Variants in PCDH9 observed in about 807,000 individuals in gnomAD.
PCDH9 encodes the protein protocadherin-9.
PCDH9 carries 24 observed loss-of-function variants against 70.6 expected under a neutral mutation model. The ratio of observed to expected loss-of-function variants is 0.34; its 90% CI spans 0.25 to 0.48. The LOEUF (loss-of-function observed/expected upper bound fraction) is 0.48. PCDH9 is among the 20% of genes least tolerant of loss of function. The pLI, the probability that PCDH9 is intolerant of heterozygous loss-of-function variation, is 0.99. For missense variants in PCDH9, 1,281 were observed against 1,503.6 expected (o/e 0.85, Z 2.45); for synonymous variants, 562 against 558.5 (o/e 1.01, Z -0.09).
chr13:67,002,687 G>T (rs2084268946), intron 2 of PCDH9, among the ~76,000 whole-genome samples: 4 of 151,900 alleles, frequency 2.6e-5, no homozygotes. Context: ...CCGAAATAAA[G>T]TTATTCTTCC....
intron 3 of PCDH9, among the ~76,000 whole-genome samples, chr13:66,702,469 T>C (rs1405261240): frequency 6.6e-6 from 1 of 152,192 alleles, no homozygotes; most frequent in Non-Finnish European, 1.5e-5. Context: ...TTATGTGGGA[T>C]AAATAACTTC....
chr13:66,352,412 G>A (rs935556298), intron 4 of PCDH9, among the ~76,000 whole-genome samples: 1 of 152,002 alleles, frequency 6.6e-6, no homozygotes, highest in East Asian at 1.9e-4. Context: ...TTAAACAACA[G>A]AAATATTGCA....
intron 4 of PCDH9, among the ~76,000 whole-genome samples, chr13:66,576,254 G>T (rs2076813608): frequency 6.6e-6 from 1 of 151,884 alleles, no homozygotes; most frequent in Non-Finnish European, 1.5e-5. Context: ...TTCCAAAAAT[G>T]TTAATTATAA....
intron 3 of PCDH9, among the ~76,000 whole-genome samples, chr13:66,867,023 T>C (rs1453430259): frequency 6.6e-6 from 1 of 151,898 alleles, no homozygotes; most frequent in African/African-American, 2.4e-5. Flanking sequence ...TTTCTTTTTT[T>C]TTTTTTTTGG....
In PCDH9 at chr13:66,626,951, C is replaced by CTGTGTGTGTGTGTGTGTGTG. The variant is rs10559380; in HGVS notation, c.3340+4239_3340+4258dup. 1.7e-3 allele frequency among the ~76,000 whole-genome samples: 256 copies of CTGTGTGTGTGTGTGTGTGTG among 147,486 alleles called. 1 individual carries two copies. The highest frequency in any genetic ancestry group is 2.6e-3 in the Non-Finnish European group (172 of 66,686). On this transcript the variant is annotated intron_variant, in intron 4 of 4. Transcript: ENST00000377865. ...GCCAGTATTATTAGATCAAATGCCA[C>CTGTGTGTGTGTGTGTGTGTG]TGTGTGTGTGTGTGTGTGTGTGTGT...
At chr13:66,434,966 G>C (rs1299399564) in intron 4 of PCDH9, among the ~76,000 whole-genome samples, 1 of 152,044 alleles carries the variant, frequency 6.6e-6, no homozygotes, top group Non-Finnish European at 1.5e-5. Flanking sequence ...TTAAAAATTA[G>C]TACAAGCTGC....
At chr13:66,957,314 C>T (rs1436423700) in intron 2 of PCDH9, among the ~76,000 whole-genome samples, 1 of 152,074 alleles carries the variant, frequency 6.6e-6, no homozygotes, top group African/African-American at 2.4e-5. Context: ...TTACTTTTGT[C>T]CAGCTTACAA....
chr13:67,175,628 G>A lies in PCDH9; in HGVS notation c.3036+49777C>T, dbSNP rs1354186002. 2.0e-5 allele frequency among the ~76,000 whole-genome samples: 3 copies of A among 152,252 alleles called. No individual in the cohort carries two copies. In the East Asian group the frequency reaches 5.8e-4, roughly 29 times the overall value. ...GTCCTTCCCATTCAGGATTTGGGGA[G>A]TATCTTAGATGAATGAAAAAGGCTT... On this transcript the variant is annotated intron_variant, in intron 2 of 4. Transcript: ENST00000377865.
rs980122096 is a variant in PCDH9 at position 67,199,345 on chromosome 13, C to G, written c.3036+26060G>C. The stretch of plus-strand genomic sequence containing the variant: ...AAAAATATGCTGTTTAAAGGTTAGT[C>G]ATAATTTTTTTCCTTCCCCTGCACT... On this transcript the variant is annotated intron_variant, in intron 2 of 4. Coordinates refer to ENST00000377865, the MANE Select transcript of PCDH9 (RefSeq NM_203487.3). Among the ~76,000 whole-genome samples, 3 of 151,538 alleles carry G rather than the reference C, an allele frequency of 2.0e-5. No individual in the cohort carries two copies. In the East Asian group the frequency reaches 5.8e-4, roughly 29 times the overall value.
intron 3 of PCDH9, among the ~76,000 whole-genome samples, chr13:66,635,192 G>T (rs2077621590): frequency 6.6e-6 from 1 of 152,038 alleles, no homozygotes; most frequent in Admixed American, 6.6e-5. Context: ...GTTACATTTT[G>T]TTTTCCTAAA....
intron 3 of PCDH9, among the ~76,000 whole-genome samples, chr13:66,879,739 G>C (rs1197644156): frequency 6.6e-6 from 1 of 151,970 alleles, no homozygotes; most frequent in Admixed American, 6.6e-5. Context: ...GAAAAAAAAT[G>C]AAAGGAAATC....
intron 4 of PCDH9, among the ~76,000 whole-genome samples, chr13:66,392,924 A>G (rs1387635936): frequency 2.0e-5 from 3 of 151,914 alleles, no homozygotes; most frequent in South Asian, 4.2e-4. Context: ...CACTTTAAAA[A>G]CCCACTGGAA....
chr13:66,637,665 G>A (rs2077656533), intron 3 of PCDH9, among the ~76,000 whole-genome samples: 1 of 152,228 alleles, frequency 6.6e-6, no homozygotes, highest in Non-Finnish European at 1.5e-5. Context: ...TGTATTCCGA[G>A]CACTTTGGGA....
At position 67,230,166 on chromosome 13, in the gene PCDH9, GTGA is replaced by G. The variant is rs2089974393; in HGVS notation, c.-525_-523del. The G allele has an allele frequency of 6.6e-6, 1 of 152,220 alleles. No homozygotes were observed. Among genetic ancestry groups the G allele is most frequent in the South Asian group, 2.1e-4 (1 of 4,834 alleles). 9.4% of individuals were successfully genotyped at this position (152,220 alleles called of 1,614,324 possible). On this transcript the variant is annotated 5_prime_UTR_variant, in exon 1 of 5. Coordinates refer to ENST00000377865, the MANE Select transcript of PCDH9 (RefSeq NM_203487.3). ...TCTTGTAGGAAACGTCAGAGTTGCG[GTGA>G]TGATGATTCTCTGACAGCTATCCGG...
intron 2 of PCDH9, among the ~76,000 whole-genome samples, chr13:67,085,572 G>A (rs1439481520): frequency 6.6e-6 from 1 of 152,108 alleles, no homozygotes. Flanking sequence ...TAGAAGGTAA[G>A]GTACTTTGAT....
intron 4 of PCDH9, among the ~76,000 whole-genome samples, chr13:66,446,190 A>G (rs78028308): frequency 0.012 from 1,760 of 152,126 alleles, 35 homozygotes; most frequent in African/African-American, 0.039. Flanking sequence ...AATTTTTGAA[A>G]CAGAAAGTCC....
chr13:66,506,442 A>T (rs1185397652), intron 4 of PCDH9, among the ~76,000 whole-genome samples: 1 of 152,234 alleles, frequency 6.6e-6, no homozygotes, highest in Non-Finnish European at 1.5e-5. Flanking sequence ...TTCCCCAGAG[A>T]CAGAAAAACA....
chr13:67,177,522 G>A (rs1210899988), intron 2 of PCDH9, among the ~76,000 whole-genome samples: 1 of 151,874 alleles, frequency 6.6e-6, no homozygotes, highest in Non-Finnish European at 1.5e-5. Context: ...TTCCTTTGTT[G>A]ATCTCTTTGA....
intron 3 of PCDH9, among the ~76,000 whole-genome samples, chr13:66,638,968 T>C (rs1245697977): frequency 6.6e-6 from 1 of 152,220 alleles, no homozygotes; most frequent in Non-Finnish European, 1.5e-5. Context: ...AGGTTCAGTT[T>C]GTGTTTGAGA....
Sources: gnomAD v4.1 joint callset for allele counts (sites outside exome capture counted in the v4.1 genomes callset) on GRCh38, gnomAD v4.1.1 for gene constraint, MANE v1.5 for transcripts, NCBI Gene and HGNC (gene_info 2026-07-23, HGNC 2026-07-21) for gene names.